Variants in TMEM132B observed in about 807,000 individuals in gnomAD.
TMEM132B encodes transmembrane protein 132B.
TMEM132B carries 18 observed loss-of-function variants against 90.8 expected under a neutral mutation model. The observed-to-expected ratio is 0.20, with a 90% CI of 0.14 to 0.29. The LOEUF is 0.29. TMEM132B is among the 10% of genes least tolerant of loss of function. The probability of loss-of-function intolerance (pLI) is 1.00; values close to 1 mark genes in which losing one functional copy is unlikely to be tolerated. For missense variants in TMEM132B, 1,096 were observed against 1,326.8 expected (o/e 0.83, Z 2.70); for synonymous variants, 504 against 523.3 (o/e 0.96, Z 0.50).
rs1887108656 is a variant in TMEM132B, at chr12:125,657,946, A to G, written c.*3236A>G. 1 of 152,310 alleles carries G rather than the reference A, an allele frequency of 6.6e-6. No homozygotes were observed. Among genetic ancestry groups the G allele is most frequent in the Admixed American group, 6.5e-5 (1 of 15,284 alleles). 9.4% of individuals were successfully genotyped at this position (152,310 alleles called of 1,614,324 possible). ...TAGAGGGCAGAGCACAGGAATCAAG[A>G]AGCAGCTGCCACACCAAAGAACTGA... On this transcript the variant is annotated 3_prime_UTR_variant, in exon 9 of 9. Coordinates refer to ENST00000682704, the MANE Select transcript of TMEM132B (RefSeq NM_001366854.1).
chr12:125,647,278 G>T (rs1204638348), intron 6 of TMEM132B, among the ~76,000 whole-genome samples: 1 of 152,182 alleles, frequency 6.6e-6, no homozygotes. Context: ...GAGAAAAGGT[G>T]TCGGGCTCAA....
At chr12:125,264,826 A>G (rs1874648546) in intron 1 of TMEM132B, among the ~76,000 whole-genome samples, 1 of 152,200 alleles carries the variant, frequency 6.6e-6, no homozygotes, top group Admixed American at 6.5e-5. Flanking sequence ...AAACACCCAA[A>G]CGCATGTGCA....
intron 5 of TMEM132B, among the ~76,000 whole-genome samples, chr12:125,598,089 T>C (rs1885486285): frequency 6.6e-6 from 1 of 152,168 alleles, no homozygotes; most frequent in Admixed American, 6.5e-5. Context: ...ACTGCTATGA[T>C]GAAGGAAGCT....
intron 3 of TMEM132B, among the ~76,000 whole-genome samples, chr12:125,514,954 C>T (rs1008477626): frequency 1.3e-5 from 2 of 152,194 alleles, no homozygotes; most frequent in East Asian, 1.9e-4. Context: ...TCAGCCCCTC[C>T]TCAGGGGTCC....
chr12:125,431,521 G>A (rs1196501511), intron 3 of TMEM132B, among the ~76,000 whole-genome samples: 1 of 152,144 alleles, frequency 6.6e-6, no homozygotes, highest in African/African-American at 2.4e-5. Flanking sequence ...TGAGCGACGT[G>A]CTTAGGACTA....
At chr12:125,409,655 G>GGAGT (rs1355168033) in intron 2 of TMEM132B, among the ~76,000 whole-genome samples, 2 of 90,868 alleles carry the variant, frequency 2.2e-5, no homozygotes, top group African/African-American at 4.4e-5. Context: ...GGAGTGGAGT[G>GGAGT]GAGTGGAGTG....
intron 3 of TMEM132B, among the ~76,000 whole-genome samples, chr12:125,464,376 G>A (rs904753774): frequency 3.3e-5 from 5 of 152,286 alleles, no homozygotes; most frequent in Admixed American, 1.3e-4. Flanking sequence ...GCAGGAAGTA[G>A]CCATGGCTTC....
chr12:125,313,651 C>T (rs1405552782), intron 1 of TMEM132B, among the ~76,000 whole-genome samples: 1 of 96,374 alleles, frequency 1.0e-5, no homozygotes, highest in Non-Finnish European at 2.1e-5. Context: ...CCTCCCCCAC[C>T]TTTCCTTTCA....
Position 125,659,098 on chromosome 12 carries a change from C to G in TMEM132B, c.*4388C>G, listed in dbSNP as rs1394733742. ...TTCCATAAAGCAGCTGTATGGTTGG[C>G]TATAATATAGATTTATTTTTTCTTT... On this transcript the variant is annotated 3_prime_UTR_variant, in exon 9 of 9. Coordinates refer to ENST00000682704, the MANE Select transcript of TMEM132B (RefSeq NM_001366854.1). 6.6e-6 allele frequency: 1 copy of G among 152,120 alleles called. No individual in the cohort carries two copies. The highest frequency in any genetic ancestry group is 1.5e-5 in the Non-Finnish European group (1 of 68,026). The allele number at this position is 152,120 out of a possible 1,614,324, so 9.4% of individuals were successfully genotyped here. A position where few individuals can be genotyped will look rare whatever the true frequency, so the allele number is the denominator to read the frequency against.
At chr12:125,243,685 G>A (rs1874141052) in intron 1 of TMEM132B, among the ~76,000 whole-genome samples, 2 of 152,190 alleles carry the variant, frequency 1.3e-5, no homozygotes, top group South Asian at 4.1e-4. Context: ...TACCCAATAG[G>A]TAGTTTTTCC....
intron 4 of TMEM132B, among the ~76,000 whole-genome samples, chr12:125,536,388 G>A (rs7299928): frequency 0.022 from 3,330 of 152,240 alleles, 137 homozygotes; most frequent in African/African-American, 0.075. Context: ...GTGATCATTC[G>A]GTTTTTTGTA....
rs115684008 is a variant in TMEM132B, at chr12:125,643,128, G to A, written c.1438-948G>A. Reference sequence around the variant, plus strand: ...CTGAGTTGTAGTTACAGATTCAAGTGAGGAAGAGAAGCAACAAGAATAAGT... The same window carrying A: ...CTGAGTTGTAGTTACAGATTCAAGTAAGGAAGAGAAGCAACAAGAATAAGT... On this transcript the variant is annotated intron_variant, in intron 5 of 8. Transcript: ENST00000682704. Among the ~76,000 whole-genome samples, 1,149 of 152,266 alleles carry A rather than the reference G, an allele frequency of 7.5e-3. 20 individuals are homozygous for A. The highest frequency in any genetic ancestry group is 0.026 in the African/African-American group (1,078 of 41,546).
chr12:125,440,927 C>A (rs1170717496), intron 3 of TMEM132B, among the ~76,000 whole-genome samples: 1 of 152,188 alleles, frequency 6.6e-6, no homozygotes. Flanking sequence ...TTCCCACAAT[C>A]CCCTCTGCTC....
At chr12:125,219,993 C>T (rs185031383) in intron 1 of TMEM132B, among the ~76,000 whole-genome samples, 56 of 152,322 alleles carry the variant, frequency 3.7e-4, no homozygotes, top group African/African-American at 1.2e-3. Flanking sequence ...TTTACACACA[C>T]GGACTCATTT....
At chr12:125,391,137 C>T (rs780092763) in intron 2 of TMEM132B, among the ~76,000 whole-genome samples, 5 of 151,046 alleles carry the variant, frequency 3.3e-5, no homozygotes, top group Admixed American at 6.6e-5. Context: ...TGTTCCTGGA[C>T]GGAGAAAAAT....
chr12:125,307,151 C>T (rs1875992094), intron 1 of TMEM132B, among the ~76,000 whole-genome samples: 2 of 152,192 alleles, frequency 1.3e-5, no homozygotes, highest in Non-Finnish European at 2.9e-5. Flanking sequence ...CATTTTTCTC[C>T]ATGTCATTTG....
intron 4 of TMEM132B, among the ~76,000 whole-genome samples, chr12:125,521,091 G>T (rs1362061918): frequency 6.6e-6 from 1 of 152,174 alleles, no homozygotes; most frequent in Non-Finnish European, 1.5e-5. Flanking sequence ...AGCTAGGTCA[G>T]GCTGAGGTTG....
At chr12:125,572,527 G>A (rs1267664563) in intron 4 of TMEM132B, among the ~76,000 whole-genome samples, 4 of 152,148 alleles carry the variant, frequency 2.6e-5, no homozygotes, top group Admixed American at 2.0e-4. Flanking sequence ...AAAAAATTTT[G>A]TTCTTTATAA....
At chr12:125,413,111 C>T (rs1429348071) in intron 2 of TMEM132B, among the ~76,000 whole-genome samples, 1 of 152,076 alleles carries the variant, frequency 6.6e-6, no homozygotes, top group African/African-American at 2.4e-5. Context: ...ACATTTGAAT[C>T]TCCTAATTCT....
Sources: gnomAD v4.1 joint callset for allele counts (sites outside exome capture counted in the v4.1 genomes callset) on GRCh38, gnomAD v4.1.1 for gene constraint, MANE v1.5 for transcripts, NCBI Gene and HGNC (gene_info 2026-07-23, HGNC 2026-07-21) for gene names.